Variants in CCAR1 observed in about 807,000 individuals in gnomAD.
CCAR1 encodes the protein cell division cycle and apoptosis regulator protein 1.
Under a neutral mutation model 163.8 loss-of-function variants are expected in CCAR1, and 78 were observed. That is an observed-to-expected ratio of 0.48 (90% CI 0.40 to 0.57). The LOEUF (loss-of-function observed/expected upper bound fraction) is 0.57, where lower values mean the gene tolerates loss of function less well. Among genes scored for constraint, CCAR1 ranks in the 20% least tolerant of loss-of-function variants. The pLI, the probability that CCAR1 is intolerant of heterozygous loss-of-function variation, is 0.00. For missense variants in CCAR1, 1,019 were observed against 1,365.2 expected (o/e 0.75, Z 4.00); for synonymous variants, 443 against 460.7 (o/e 0.96, Z 0.49).
Position 68,760,967 on chromosome 10 carries a change from AC to A in CCAR1, c.1921-38del, listed in dbSNP as rs553945394. ...TATCCGCTGCCCCCCGCCCCCCGCC[AC>A]CTTTTTTTTTTCCGTGTTTTTCTGC... On this transcript the variant is annotated intron_variant, in intron 15 of 24. Coordinates refer to ENST00000265872, the MANE Select transcript of CCAR1 (RefSeq NM_018237.4). 16 of 424,580 alleles carry A rather than the reference AC, an allele frequency of 3.8e-5. No individual in the cohort carries two copies. The East Asian group carries it at 1.3e-3, about 35-fold the overall frequency. The allele number at this position is 424,580 out of a possible 1,614,324, so 26.3% of individuals were successfully genotyped here.
intron 2 of CCAR1, among the ~76,000 whole-genome samples, chr10:68,724,868 G>A (rs2055917858): frequency 6.6e-6 from 1 of 152,216 alleles, no homozygotes; most frequent in South Asian, 2.1e-4. Context: ...GCTGGATGCA[G>A]TGGCTCACTC....
intron 2 of CCAR1, among the ~76,000 whole-genome samples, chr10:68,726,718 C>G (rs1334424743): frequency 6.6e-6 from 1 of 152,024 alleles, no homozygotes; most frequent in African/African-American, 2.4e-5. Flanking sequence ...AGAATTTTGG[C>G]TGGGCGTGGT....
chr10:68,757,910 G>A (rs1262193142), intron 15 of CCAR1, among the ~76,000 whole-genome samples: 2 of 151,496 alleles, frequency 1.3e-5, no homozygotes, highest in African/African-American at 4.9e-5. Flanking sequence ...CCGGCTAATT[G>A]TTTTGTATTT....
chr10:68,743,781 C>T (rs569937119), intron 6 of CCAR1, among the ~76,000 whole-genome samples: 89 of 152,044 alleles, frequency 5.9e-4, no homozygotes, highest in Non-Finnish European at 9.6e-4. Context: ...GACAGAGTCT[C>T]GCTCTGTCAC....
At chr10:68,754,282 A>ACAT (rs2056372240) in intron 11 of CCAR1, among the ~76,000 whole-genome samples, 1 of 152,206 alleles carries the variant, frequency 6.6e-6, no homozygotes, top group Non-Finnish European at 1.5e-5. Context: ...AGTTATTCTA[A>ACAT]CATTTTAAAC....
intron 3 of CCAR1, among the ~76,000 whole-genome samples, chr10:68,737,284 C>T (rs867529477): frequency 1.3e-4 from 19 of 151,956 alleles, no homozygotes; most frequent in South Asian, 8.3e-4. Flanking sequence ...GTGGGAGGAT[C>T]GTCTGAGCCC....
intron 10 of CCAR1, among the ~76,000 whole-genome samples, chr10:68,751,617 C>T (rs897833848): frequency 2.0e-5 from 3 of 151,900 alleles, no homozygotes; most frequent in Non-Finnish European, 4.4e-5. Context: ...AATCCCAGCA[C>T]TTCAGGAGGC....
In CCAR1 at chr10:68,757,384, T is replaced by C. The variant is rs202103442; in HGVS notation, c.1920+7T>C. On this transcript the variant is annotated splice_region_variant and intron_variant, in intron 15 of 24. Coordinates refer to ENST00000265872, the MANE Select transcript of CCAR1 (RefSeq NM_018237.4). ...TGATCCAAAGACAATGAAGGTAACT[T>C]TGATAAGGATGGATTTTATTTATTT... The C allele has an allele frequency of 2.1e-5, 30 of 1,424,032 alleles. No individual in the cohort carries two copies. Among genetic ancestry groups the C allele is most frequent in the Non-Finnish European group, 2.9e-5 (29 of 1,016,312 alleles). The allele number at this position is 1,424,032 out of a possible 1,614,324, so 88.2% of individuals were successfully genotyped here. A position where few individuals can be genotyped will look rare whatever the true frequency, so the allele number is the denominator to read the frequency against.
rs1213466005 is a variant in CCAR1 at position 68,773,007 on chromosome 10, A to G, written c.2558A>G (p.Asp853Gly). Residue 853 changes from aspartate to glycine, a missense_variant, in exon 19 of 25, where the codon GAT becomes GGT. Around this residue, in one of 4 missense-constraint regions of CCAR1, gnomAD observed 358 missense variants for 406.4 expected, o/e 0.88. Coordinates refer to ENST00000265872, the MANE Select transcript of CCAR1 (RefSeq NM_018237.4). ...DERKKEDKRK[D>G]DSKDDDETEE... ...TTATAGAAAGAAGATAAAAGAAAAG[A>G]TGATTCTAAAGATGATGATGAAACT... The G allele has an allele frequency of 4.8e-6, 7 of 1,451,772 alleles. No homozygotes were observed. Among genetic ancestry groups the G allele is most frequent in the Non-Finnish European group, 5.7e-6 (6 of 1,056,370 alleles). 89.9% of individuals were successfully genotyped at this position (1,451,772 alleles called of 1,614,324 possible).
chr10:68,763,240 T>G (rs2056496214), intron 16 of CCAR1, among the ~76,000 whole-genome samples: 1 of 152,176 alleles, frequency 6.6e-6, no homozygotes, highest in Admixed American at 6.6e-5. Context: ...AGCCTCTGCC[T>G]CCTGGGTTCA....
chr10:68,784,000 C>T (rs1379368576), intron 19 of CCAR1, among the ~76,000 whole-genome samples: 16 of 151,446 alleles, frequency 1.1e-4, no homozygotes, highest in Non-Finnish European at 5.9e-5. Context: ...CCTCGTGATC[C>T]GCCCACCTCA....
chr10:68,754,135 G>A, intron 11 of CCAR1, 58 bp downstream of exon 11: 1 of 1,194,216 alleles, frequency 8.4e-7, no homozygotes, highest in Non-Finnish European at 1.2e-6. Flanking sequence ...CATAATAAAA[G>A]GGTATGTAGA....
intron 8 of CCAR1, 61 bp downstream of exon 8, chr10:68,747,627 GCTTTT>G: frequency 2.1e-6 from 3 of 1,432,922 alleles, no homozygotes; most frequent in Admixed American, 4.1e-5. Flanking sequence ...ATGTAACTAT[GCTTTT>G]AATTACAAAA....
Position 68,756,231 on chromosome 10 carries a change from T to C in CCAR1, c.1626-42T>C. ...AGTGAACTAGGGTCTTTAAAATGTATTTTAGAATTTTTTTTCCAACATGCT... is the reference window on the plus strand; with the variant it reads ...AGTGAACTAGGGTCTTTAAAATGTACTTTAGAATTTTTTTTCCAACATGCT... On this transcript the variant is annotated intron_variant, in intron 13 of 24. Coordinates refer to ENST00000265872, the MANE Select transcript of CCAR1 (RefSeq NM_018237.4). The surrounding 1 kb of genome is among the most constrained non-coding windows in gnomAD (Gnocchi z 5.1). 1 of 1,523,470 alleles carries C rather than the reference T, an allele frequency of 6.6e-7. No homozygotes were observed. The highest frequency in any genetic ancestry group is 9.1e-7 in the Non-Finnish European group (1 of 1,103,554). 94.4% of individuals were successfully genotyped at this position (1,523,470 alleles called of 1,614,324 possible).
At chr10:68,742,243 C>G (rs1383449040) in intron 5 of CCAR1, 133 bp from the exon 6 acceptor site, 2 of 617,064 alleles carry the variant, frequency 3.2e-6, no homozygotes, top group Admixed American at 6.6e-5. Context: ...AGACCTGACT[C>G]TCAAGATGTA....
intron 19 of CCAR1, among the ~76,000 whole-genome samples, chr10:68,785,768 C>G (rs1461881319): frequency 6.6e-6 from 1 of 152,154 alleles, no homozygotes; most frequent in African/African-American, 2.4e-5. Flanking sequence ...CCCCATCTTC[C>G]CTGAACCTCT....
At chr10:68,772,084 A>G (rs1284935741) in intron 18 of CCAR1, among the ~76,000 whole-genome samples, 2 of 151,756 alleles carry the variant, frequency 1.3e-5, no homozygotes, top group Admixed American at 6.6e-5. Flanking sequence ...GGTTTTCACC[A>G]TGTTGGCCAG....
At chr10:68,737,692 T>A (rs2056129873) in intron 3 of CCAR1, among the ~76,000 whole-genome samples, 153 bp from the exon 4 acceptor site, 1 of 151,566 alleles carries the variant, frequency 6.6e-6, no homozygotes, top group Non-Finnish European at 1.5e-5. Context: ...ATTATTTTTA[T>A]TTTTTTTGTT....
Position 68,742,440 on chromosome 10 carries a change from T to C in CCAR1, c.389T>C (p.Val130Ala). The stretch of plus-strand genomic sequence containing the variant: ...CCTCAGCCAACAGCACAAATAACTG[T>C]ATCATATCCAACACCAAGGTCCAGT... ...STPQPTAQIT[V>A]SYPTPRSSQQ... The change falls in exon 6 of 25, where the codon GTA becomes GCA. Residue 130 changes from valine to alanine, a missense_variant. Physicochemically the swap from Val to Ala is moderately conservative, Grantham distance 64. Around this residue, in one of 4 missense-constraint regions of CCAR1, gnomAD observed 644 missense variants for 904.4 expected, o/e 0.71. Coordinates refer to ENST00000265872, the MANE Select transcript of CCAR1 (RefSeq NM_018237.4). The C allele has an allele frequency of 2.5e-6, 4 of 1,614,208 alleles. No individual in the cohort carries two copies. Among genetic ancestry groups the C allele is most frequent in the Non-Finnish European group, 3.4e-6 (4 of 1,180,034 alleles).
Sources: allele counts gnomAD v4.1 joint callset (sites outside exome capture counted in the v4.1 genomes callset), GRCh38; gene constraint gnomAD v4.1.1; regional missense constraint gnomAD v4.1.1; non-coding constraint Gnocchi (gnomAD v3.1); transcripts MANE v1.5; gene names NCBI Gene and HGNC (gene_info 2026-07-23, HGNC 2026-07-21).